CLIC1: variants seen among roughly 807,000 people sequenced by gnomAD.
CLIC1 encodes the protein chloride intracellular channel protein 1.
CLIC1 carries 16 observed loss-of-function variants against 26.4 expected under a neutral mutation model. The observed-to-expected ratio is 0.61, with a 90% CI of 0.41 to 0.92. CLIC1 has a LOEUF of 0.92. Ranked by LOEUF, CLIC1 falls within the 40% of genes least tolerant of loss-of-function variation. The pLI, the probability that CLIC1 is intolerant of heterozygous loss-of-function variation, is 0.00. For synonymous variants in CLIC1, 98 were observed against 120.8 expected, an observed-to-expected ratio of 0.81 and a Z score of 1.24; for missense variants, 225 against 289.7, an observed-to-expected ratio of 0.78 and a Z score of 1.62.
chr6:31,734,315 T>C lies in CLIC1; in HGVS notation c.40-52A>G. The stretch of plus-strand genomic sequence containing the variant: ...ATGCCTGATGCACCCCACCCATCCC[T>C]AGGCCAGTCCCTGCATTCCCACTCC... On this transcript the variant is annotated intron_variant, in intron 1 of 5. Transcript: ENST00000375784. The surrounding 1 kb of genome is among the most constrained non-coding windows in gnomAD (Gnocchi z 5.3). The C allele has an allele frequency of 1.4e-6, 2 of 1,386,854 alleles. No homozygotes were observed. The highest frequency in any genetic ancestry group is 2.0e-6 in the Non-Finnish European group (2 of 981,566). The allele number at this position is 1,386,854 out of a possible 1,614,324, so 85.9% of individuals were successfully genotyped here.
chr6:31,732,404 CAA>C lies in CLIC1; in HGVS notation c.383-8_383-7del. On this transcript the variant is annotated splice_region_variant and splice_polypyrimidine_tract_variant and intron_variant, in intron 4 of 5. Transcript: ENST00000375784. This position sits in a 1 kb window ranked among gnomAD's most constrained non-coding sequence, Gnocchi z 5.0. ...CAGGAGTCCCTTCTCCAGATCTGTG[CAA>C]GAGAGGGAACTGATTAGAACTTCAG... The C allele has an allele frequency of 6.8e-7, 1 of 1,477,878 alleles. No homozygotes were observed. The highest frequency in any genetic ancestry group is 9.0e-7 in the Non-Finnish European group (1 of 1,112,738). 91.5% of individuals were successfully genotyped at this position (1,477,878 alleles called of 1,614,324 possible).
chr6:31,736,970 T>G (rs1808370473), upstream of CLIC1: 1 of 985,308 alleles, frequency 1.0e-6, no homozygotes, highest in Non-Finnish European at 1.2e-6. The surrounding 1 kb of genome is among the most constrained non-coding windows in gnomAD (Gnocchi z 5.0). Flanking sequence ...CCGTTAGCCA[T>G]GCAGCCTGGG....
chr6:31,732,343 G>A lies in CLIC1; in HGVS notation c.438C>T (p.Ser146=). ...TTTCATCCACTTCTTCTGGGAGGGG[G>A]GATGTTAAGTAATTGTCTAAAACCT... Residue 146 remains serine (S), a synonymous_variant, in exon 5 of 6, where the codon TCC becomes TCT. Transcript: ENST00000375784. The surrounding 1 kb of genome is among the most constrained non-coding windows in gnomAD (Gnocchi z 5.0). 1 of 1,594,594 alleles carries A rather than the reference G, an allele frequency of 6.3e-7. No homozygotes were observed. Among genetic ancestry groups the A allele is most frequent in the East Asian group, 2.3e-5 (1 of 43,622 alleles).
chr6:31,736,158 T>G lies in CLIC1; in HGVS notation c.39+104A>C. ...CAAAGAGTGCACGTGGGATTGGGGGTGGGAGTCAAGGAGGGAAGGGATTGG... is the reference window on the plus strand; with the variant it reads ...CAAAGAGTGCACGTGGGATTGGGGGGGGGAGTCAAGGAGGGAAGGGATTGG... On this transcript the variant is annotated intron_variant, in intron 1 of 5. Coordinates refer to ENST00000375784, the Ensembl canonical transcript of CLIC1. This position sits in a 1 kb window ranked among gnomAD's most constrained non-coding sequence, Gnocchi z 5.0. The G allele has an allele frequency of 8.6e-7, 1 of 1,165,208 alleles. No individual in the cohort carries two copies. The highest frequency in any genetic ancestry group is 1.3e-6 in the Non-Finnish European group (1 of 780,020). The allele number at this position is 1,165,208 out of a possible 1,614,324, so 72.2% of individuals were successfully genotyped here.
Position 31,730,864 on chromosome 6 carries a change from T to C in CLIC1, c.704A>G (p.Gln235Arg). 1.2e-6 allele frequency: 2 copies of C among 1,613,078 alleles called. No homozygotes were observed. The highest frequency in any genetic ancestry group is 1.1e-5 in the South Asian group (1 of 91,076). The change falls in exon 6 of 6, where the codon CAA becomes CGA. Residue 235 changes from glutamine to arginine, a missense_variant. Gln to Arg is a conservative substitution (Grantham distance 43). Transcript: ENST00000375784. The surrounding 1 kb of genome is among the most constrained non-coding windows in gnomAD (Gnocchi z 5.1). ...GGCTTATTTGAGGGCCTTTGCCACT[T>C]GCTCATAGGCGAGCTCGATCTCCTC... is the stretch of plus-strand genomic sequence containing the variant.
chr6:31,736,521 T>C lies in CLIC1; in HGVS notation c.-221A>G. 7.3e-7 allele frequency: 1 copy of C among 1,376,738 alleles called. No homozygotes were observed. Among genetic ancestry groups the C allele is most frequent in the Non-Finnish European group, 9.4e-7 (1 of 1,064,552 alleles). The allele number at this position is 1,376,738 out of a possible 1,614,324, so 85.3% of individuals were successfully genotyped here. Reference sequence around the variant, plus strand: ...CCTCCAGCTCGGTCCTCTCCCGGGCTGGATCAGAGAGCCGCTGACTCACCG... The same window carrying C: ...CCTCCAGCTCGGTCCTCTCCCGGGCCGGATCAGAGAGCCGCTGACTCACCG... On this transcript the variant is annotated 5_prime_UTR_variant, in exon 1 of 6. Transcript: ENST00000375784. This position sits in a 1 kb window ranked among gnomAD's most constrained non-coding sequence, Gnocchi z 5.0.
rs1807890344 is a variant in CLIC1, at chr6:31,731,005, T to C, written c.565-2A>G. ...TCCCCGGTACTTCTTACACACCACCTGAGGATGGGGAGAGGAGAGGGACCA... is the reference window on the plus strand; with the variant it reads ...TCCCCGGTACTTCTTACACACCACCCGAGGATGGGGAGAGGAGAGGGACCA... On this transcript the variant is annotated splice_acceptor_variant, in intron 5 of 5. Coordinates refer to ENST00000375784, the Ensembl canonical transcript of CLIC1. LOFTEE classifies it high-confidence loss of function. 1 of 1,612,240 alleles carries C rather than the reference T, an allele frequency of 6.2e-7. No homozygotes were observed.
In CLIC1 at chr6:31,734,300, C is replaced by T; in HGVS notation, c.40-37G>A. On this transcript the variant is annotated intron_variant, in intron 1 of 5. Coordinates refer to ENST00000375784, the Ensembl canonical transcript of CLIC1. This position sits in a 1 kb window ranked among gnomAD's most constrained non-coding sequence, Gnocchi z 5.3. ...CCCCAACCCAAGGTTATGCCTGATG[C>T]ACCCCACCCATCCCTAGGCCAGTCC... 6.6e-7 allele frequency: 1 copy of T among 1,504,742 alleles called. No individual in the cohort carries two copies. The highest frequency in any genetic ancestry group is 9.2e-7 in the Non-Finnish European group (1 of 1,083,694). The allele number at this position is 1,504,742 out of a possible 1,614,324, so 93.2% of individuals were successfully genotyped here. A position where few individuals can be genotyped will look rare whatever the true frequency, so the allele number is the denominator to read the frequency against.
Position 31,734,570 on chromosome 6 carries a change from G to T in CLIC1, c.40-307C>A, listed in dbSNP as rs916573803. Among the ~76,000 whole-genome samples the T allele has an allele frequency of 6.6e-6, 1 of 152,232 alleles. No homozygotes were observed. The highest frequency in any genetic ancestry group is 1.5e-5 in the Non-Finnish European group (1 of 68,040). On this transcript the variant is annotated intron_variant, in intron 1 of 5. Coordinates refer to ENST00000375784, the Ensembl canonical transcript of CLIC1. The surrounding 1 kb of genome is among the most constrained non-coding windows in gnomAD (Gnocchi z 5.3). ...AGAGAGGGAAGGGTGTGGAACTTCA[G>T]TGAGGCCAGAGTTGTAGGCTAGAAG...
chr6:31,734,304 C>A lies in CLIC1; in HGVS notation c.40-41G>T. On this transcript the variant is annotated intron_variant, in intron 1 of 5. Coordinates refer to ENST00000375784, the Ensembl canonical transcript of CLIC1. The surrounding 1 kb of genome is among the most constrained non-coding windows in gnomAD (Gnocchi z 5.3). The stretch of plus-strand genomic sequence containing the variant: ...AACCCAAGGTTATGCCTGATGCACC[C>A]CACCCATCCCTAGGCCAGTCCCTGC... The A allele has an allele frequency of 6.8e-7, 1 of 1,480,886 alleles. No individual in the cohort carries two copies. Among genetic ancestry groups the A allele is most frequent in the Non-Finnish European group, 9.4e-7 (1 of 1,063,104 alleles). 91.7% of individuals were successfully genotyped at this position (1,480,886 alleles called of 1,614,324 possible).
intron 1 of CLIC1, among the ~76,000 whole-genome samples, chr6:31,735,082 G>A (rs566932453): frequency 6.6e-6 from 1 of 151,766 alleles, no homozygotes; most frequent in South Asian, 2.1e-4. Flanking sequence ...ACACCTAAGG[G>A]GGCGGACCCA....
At chr6:31,735,334 T>G (rs1808255785) in intron 1 of CLIC1, among the ~76,000 whole-genome samples, 3 of 144,870 alleles carry the variant, frequency 2.1e-5, no homozygotes, top group East Asian at 2.0e-4. Flanking sequence ...AGCCAGGAGG[T>G]CCCAAGACTG....
In CLIC1 at chr6:31,730,981, C is replaced by G. The variant is rs756349088; in HGVS notation, c.587G>C (p.Gly196Ala). The change falls in exon 6 of 6, where the codon GGA becomes GCA. Residue 196 changes from glycine to alanine, a missense_variant. Gly to Ala is a moderately conservative substitution (Grantham distance 60). Transcript: ENST00000375784. This position sits in a 1 kb window ranked among gnomAD's most constrained non-coding sequence, Gnocchi z 5.1. Reference sequence around the variant, plus strand: ...CCGGAAGGCCTCGGGGATGGTGAATCCCCGGTACTTCTTACACACCACCTG... The same window carrying G: ...CCGGAAGGCCTCGGGGATGGTGAATGCCCGGTACTTCTTACACACCACCTG... 6.2e-7 allele frequency: 1 copy of G among 1,612,744 alleles called. No homozygotes were observed. Among genetic ancestry groups the G allele is most frequent in the Admixed American group, 1.7e-5 (1 of 59,974 alleles).
At position 31,732,219 on chromosome 6, in the gene CLIC1, G is replaced by A; in HGVS notation, c.562C>T (p.Gln188Ter). 1 of 1,545,054 alleles carries A rather than the reference G, an allele frequency of 6.5e-7. No individual in the cohort carries two copies. Among genetic ancestry groups the A allele is most frequent in the Non-Finnish European group, 8.7e-7 (1 of 1,145,306 alleles). ...CTCCTCCCGCAATAACCACACACCT[G>A]TACTATGTGTAACTTTGGCAACAGG... Residue 188 changes from glutamine to a stop codon, truncating the protein, a stop_gained and splice_region_variant, in exon 5 of 6, where the codon CAG (glutamine) becomes TAG (stop). Transcript: ENST00000375784. LOFTEE classifies it high-confidence loss of function. The surrounding 1 kb of genome is among the most constrained non-coding windows in gnomAD (Gnocchi z 5.0).
At chr6:31,735,111 T>C (rs1430385634) in intron 1 of CLIC1, among the ~76,000 whole-genome samples, 1 of 150,006 alleles carries the variant, frequency 6.7e-6, no homozygotes. Context: ...CCGACTTCCC[T>C]GGGCCCAGGG....
rs200203387 is a variant in CLIC1 at position 31,733,129 on chromosome 6, G to GA, written c.382+436dup. On this transcript the variant is annotated intron_variant, in intron 4 of 5. Coordinates refer to ENST00000375784, the Ensembl canonical transcript of CLIC1. This position sits in a 1 kb window ranked among gnomAD's most constrained non-coding sequence, Gnocchi z 5.4. ...AACGAGACTCCATCTCAAAAAAAAA[G>GA]AAAAAAAAAAATTTATATCAACCCA... Among the ~76,000 whole-genome samples the GA allele has an allele frequency of 1.6e-3, 241 of 146,558 alleles. No individual in the cohort carries two copies. The highest frequency in any genetic ancestry group is 3.7e-3 in the African/African-American group (149 of 39,916).
chr6:31,731,372 G>T (rs961220491), intron 5 of CLIC1, among the ~76,000 whole-genome samples: 4 of 151,876 alleles, frequency 2.6e-5, no homozygotes, highest in Non-Finnish European at 5.9e-5. Context: ...CGCGATCTTG[G>T]CTCACTGCAA....
chr6:31,730,743 C>T lies in CLIC1; in HGVS notation c.*99G>A, dbSNP rs1807854176. 1.5e-6 allele frequency: 2 copies of T among 1,303,976 alleles called. No homozygotes were observed. Among genetic ancestry groups the T allele is most frequent in the South Asian group, 1.3e-5 (1 of 75,198 alleles). 80.8% of individuals were successfully genotyped at this position (1,303,976 alleles called of 1,614,324 possible). On this transcript the variant is annotated 3_prime_UTR_variant, in exon 6 of 6. Coordinates refer to ENST00000375784, the Ensembl canonical transcript of CLIC1. The surrounding 1 kb of genome is among the most constrained non-coding windows in gnomAD (Gnocchi z 5.1). ...AACAAGTGCTCCAGGATTCCCTGCC[C>T]ACTGGCCATTTTGGAGTGTGTCCAT... is the stretch of plus-strand genomic sequence containing the variant.
Position 31,732,130 on chromosome 6 carries a change from T to C in CLIC1, c.564+87A>G. Reference sequence around the variant, plus strand: ...ACCACCCTAAGAAAGAAATCGTCTTTAGAGTGGTTGTCAGGGGAAGCCCAT... The same window carrying C: ...ACCACCCTAAGAAAGAAATCGTCTTCAGAGTGGTTGTCAGGGGAAGCCCAT... On this transcript the variant is annotated intron_variant, in intron 5 of 5. Transcript: ENST00000375784. The surrounding 1 kb of genome is among the most constrained non-coding windows in gnomAD (Gnocchi z 5.0). 8.8e-7 allele frequency: 1 copy of C among 1,136,870 alleles called. No individual in the cohort carries two copies. The highest frequency in any genetic ancestry group is 1.2e-6 in the Non-Finnish European group (1 of 845,606). 70.4% of individuals were successfully genotyped at this position (1,136,870 alleles called of 1,614,324 possible). A position where few individuals can be genotyped will look rare whatever the true frequency, so the allele number is the denominator to read the frequency against.
Sources: allele counts gnomAD v4.1 joint callset (sites outside exome capture counted in the v4.1 genomes callset), GRCh38; gene constraint gnomAD v4.1.1; non-coding constraint Gnocchi (gnomAD v3.1); transcripts MANE v1.5; gene names NCBI Gene and HGNC (gene_info 2026-07-23, HGNC 2026-07-21).